The following SPATA3 variants were observed in gnomAD, a reference collection of about 807,000 sequenced individuals.
SPATA3 encodes the protein spermatogenesis-associated protein 3.
A neutral mutation model predicts 5.7 loss-of-function variants in SPATA3; 6 were observed. The ratio of observed to expected loss-of-function variants is 1.06; its 90% CI spans 0.58 to 2.09. The LOEUF is 2.09. Among genes scored for constraint, SPATA3 ranks in the 30% most tolerant of loss-of-function variants. The pLI is 0.00. For synonymous variants in SPATA3, 44 were observed against 48.4 expected (o/e 0.91, Z 0.37); for missense variants, 155 against 130.4 (o/e 1.19, Z -0.92).
At chr2:231,011,015 G>C (rs968471799), downstream of SPATA3, among the ~76,000 whole-genome samples, 3 of 136,774 alleles carry the variant, frequency 2.2e-5, no homozygotes, top group African/African-American at 8.4e-5. Flanking sequence ...CAAGGCTGCA[G>C]TAAGCTGAGA....
At chr2:231,011,369 C>T (rs1178306938), downstream of SPATA3, among the ~76,000 whole-genome samples, 1 of 152,162 alleles carries the variant, frequency 6.6e-6, no homozygotes, top group Non-Finnish European at 1.5e-5. Context: ...CCCACCTCAG[C>T]CTCCCAAAGT....
chr2:231,002,232 C>G (rs534922386), intron 2 of SPATA3, among the ~76,000 whole-genome samples: 2 of 152,168 alleles, frequency 1.3e-5, no homozygotes, highest in Non-Finnish European at 2.9e-5. Context: ...TTTTGAATGC[C>G]CTCCTCACAA....
chr2:230,996,418 C>A (rs1002958794), intron 1 of SPATA3: 2 of 1,552,174 alleles, frequency 1.3e-6, no homozygotes, highest in Non-Finnish European at 1.7e-6. Flanking sequence ...AGCCTTGAAA[C>A]CACCTCCCGG....
downstream of SPATA3, among the ~76,000 whole-genome samples, chr2:231,009,829 C>T (rs1040233130): frequency 2.0e-5 from 3 of 152,354 alleles, no homozygotes; most frequent in South Asian, 2.1e-4. Context: ...CTGTCACCCT[C>T]GGGAGCACTT....
chr2:231,011,273 T>C (rs1692781009), downstream of SPATA3, among the ~76,000 whole-genome samples: 1 of 151,888 alleles, frequency 6.6e-6, no homozygotes, highest in African/African-American at 2.4e-5. Context: ...CGCCACCACA[T>C]CTGGCTAATT....
intron 6 of SPATA3, among the ~76,000 whole-genome samples, chr2:231,017,254 G>C (rs1692957944): frequency 1.3e-5 from 2 of 152,216 alleles, no homozygotes; most frequent in African/African-American, 4.8e-5. Context: ...CAGGCTTTGG[G>C]GAGAGCTTAA....
At chr2:231,018,895 G>A (rs753903961) in intron 6 of SPATA3, among the ~76,000 whole-genome samples, 28 of 151,512 alleles carry the variant, frequency 1.8e-4, no homozygotes, top group Non-Finnish European at 2.5e-4. Context: ...CATGTTGGCC[G>A]GGCTGGTCTT....
intron 2 of SPATA3, among the ~76,000 whole-genome samples, chr2:231,000,975 T>C (rs1017395822): frequency 6.6e-6 from 1 of 152,228 alleles, no homozygotes; most frequent in African/African-American, 2.4e-5. Flanking sequence ...TGCCTACGAA[T>C]GTCGCCCAGA....
intron 1 of SPATA3, among the ~76,000 whole-genome samples, chr2:230,997,675 G>A (rs1055874558): frequency 1.3e-5 from 2 of 152,210 alleles, no homozygotes; most frequent in African/African-American, 4.8e-5. Flanking sequence ...TCTGAAAATG[G>A]AATGGCTGTC....
At chr2:231,009,716 T>C (rs1692734066), downstream of SPATA3, among the ~76,000 whole-genome samples, 3 of 152,370 alleles carry the variant, frequency 2.0e-5, no homozygotes. Flanking sequence ...AGTGCAGTTC[T>C]GTTGACACAT....
At chr2:230,997,731 A>G (rs1692182238) in intron 1 of SPATA3, among the ~76,000 whole-genome samples, 1 of 152,244 alleles carries the variant, frequency 6.6e-6, no homozygotes, top group South Asian at 2.1e-4. Context: ...CAGTGTCTGT[A>G]TAAGCATTGG....
intron 6 of SPATA3, among the ~76,000 whole-genome samples, chr2:231,015,841 A>C (rs1692921216): frequency 6.6e-6 from 1 of 152,248 alleles, no homozygotes; most frequent in African/African-American, 2.4e-5. Flanking sequence ...CAAATGTCTC[A>C]GAAGTGGATT....
intron 6 of SPATA3, among the ~76,000 whole-genome samples, chr2:231,016,506 C>CAAAAAAAA (rs749712082): frequency 1.4e-5 from 1 of 70,062 alleles, no homozygotes; most frequent in African/African-American, 5.3e-5. Context: ...CCTGTCTCTA[C>CAAAAAAAA]AAAAAAAAAA....
At chr2:231,002,806 C>T (rs1014714101), downstream of SPATA3, 11 of 1,433,784 alleles carry the variant, frequency 7.7e-6, no homozygotes, top group African/African-American at 1.5e-5. Flanking sequence ...GTGAACAAGC[C>T]CCTAGGCCCA....
At chr2:231,017,814 G>T (rs1354013661) in intron 6 of SPATA3, among the ~76,000 whole-genome samples, 1 of 152,126 alleles carries the variant, frequency 6.6e-6, no homozygotes, top group Admixed American at 6.6e-5. Context: ...CATTAGTGAA[G>T]TAAATTGTGG....
downstream of SPATA3, among the ~76,000 whole-genome samples, chr2:231,005,475 T>TAC (rs1692573850): frequency 6.4e-5 from 1 of 15,670 alleles, no homozygotes; most frequent in African/African-American, 2.5e-4. Flanking sequence ...ACCACCATCA[T>TAC]CACCACCACC....
rs144371019 is a variant in SPATA3 at position 230,999,167 on chromosome 2, C to T, written c.791-1199C>T. ...GAATCCAGTCTCCCAGAAACCCACA[C>T]ATCGAATGATTCTATTTACATGAAA... is the stretch of plus-strand genomic sequence containing the variant. On this transcript the variant is annotated intron_variant, in intron 1 of 2. Coordinates refer to ENST00000645363, the Ensembl canonical transcript of SPATA3. Among the ~76,000 whole-genome samples the T allele has an allele frequency of 1.7e-3, 255 of 152,312 alleles. 1 individual carries two copies. Among genetic ancestry groups the T allele is most frequent in the Middle Eastern group, 6.8e-3 (2 of 294 alleles).
At chr2:231,001,030 A>C (rs1692334967) in intron 2 of SPATA3, among the ~76,000 whole-genome samples, 1 of 152,164 alleles carries the variant, frequency 6.6e-6, no homozygotes, top group Non-Finnish European at 1.5e-5. Flanking sequence ...CCTCCTCCAC[A>C]CAATAGCAAG....
downstream of SPATA3, among the ~76,000 whole-genome samples, chr2:231,008,949 C>T (rs200428069): frequency 0.32 from 48,642 of 151,578 alleles, 7,965 homozygotes; most frequent in Non-Finnish European, 0.36. Flanking sequence ...GGTGAGCCGG[C>T]CTGTCTCCCC....
Sources: gnomAD v4.1 joint callset for allele counts (sites outside exome capture counted in the v4.1 genomes callset) on GRCh38, gnomAD v4.1.1 for gene constraint, MANE v1.5 for transcripts, NCBI Gene and HGNC (gene_info 2026-07-23, HGNC 2026-07-21) for gene names.